MAGI1: variants seen among roughly 807,000 people sequenced by gnomAD.
MAGI1 encodes the protein membrane associated guanylate kinase, WW and PDZ domain containing 1.
A neutral mutation model predicts 139.9 loss-of-function variants in MAGI1; 58 were observed. The ratio of observed to expected loss-of-function variants is 0.41; its 90% CI spans 0.34 to 0.52. The LOEUF (loss-of-function observed/expected upper bound fraction) is 0.52, where lower values mean the gene tolerates loss of function less well. Ranked by LOEUF, MAGI1 falls within the 20% of genes least tolerant of loss-of-function variation. MAGI1 has a pLI of 0.12. For synonymous variants in MAGI1, 812 were observed against 737.9 expected, an observed-to-expected ratio of 1.10 and a Z score of -1.63; for missense variants, 1,874 against 1,901.6, an observed-to-expected ratio of 0.99 and a Z score of 0.27.
At chr3:66,036,347 C>G (rs940876216) in intron 1 of MAGI1, among the ~76,000 whole-genome samples, 1 of 152,150 alleles carries the variant, frequency 6.6e-6, no homozygotes, top group Non-Finnish European at 1.5e-5. Flanking sequence ...AGGTTTTGAA[C>G]CTCAAGCAAA....
intron 1 of MAGI1, among the ~76,000 whole-genome samples, chr3:65,974,407 G>A (rs9311959): frequency 0.015 from 991 of 67,948 alleles, 15 homozygotes; most frequent in South Asian, 0.025. Context: ...GGGTGGATGG[G>A]TGGATGGATG....
intron 6 of MAGI1, among the ~76,000 whole-genome samples, chr3:65,449,152 A>C (rs1948860711): frequency 6.6e-6 from 1 of 151,530 alleles, no homozygotes; most frequent in African/African-American, 2.4e-5. Context: ...GAGGGATAGC[A>C]TTAGGAGAAA....
intron 1 of MAGI1, among the ~76,000 whole-genome samples, chr3:65,920,515 C>T (rs2062125081): frequency 6.6e-6 from 1 of 152,122 alleles, no homozygotes; most frequent in Non-Finnish European, 1.5e-5. Flanking sequence ...GATTCAATCA[C>T]CTCAAGGCAT....
At chr3:65,523,545 T>C (rs926532447) in intron 2 of MAGI1, among the ~76,000 whole-genome samples, 2 of 152,156 alleles carry the variant, frequency 1.3e-5, no homozygotes, top group Non-Finnish European at 2.9e-5. Context: ...AGTGACCAGG[T>C]GACTGGAGGC....
intron 7 of MAGI1, among the ~76,000 whole-genome samples, chr3:65,447,753 C>G (rs1948764164): frequency 6.6e-6 from 1 of 152,232 alleles, no homozygotes; most frequent in African/African-American, 2.4e-5. Flanking sequence ...CTTTACAAGA[C>G]TACCCATTAC....
intron 1 of MAGI1, among the ~76,000 whole-genome samples, chr3:65,705,536 C>T (rs1378315503): frequency 6.6e-6 from 1 of 152,226 alleles, no homozygotes; most frequent in East Asian, 1.9e-4. Flanking sequence ...TCAGTCTAAA[C>T]AACCTCTGAT....
intron 1 of MAGI1, among the ~76,000 whole-genome samples, chr3:65,696,092 C>A (rs928322804): frequency 6.6e-6 from 1 of 152,224 alleles, no homozygotes; most frequent in African/African-American, 2.4e-5. Context: ...TCCAGCTTCA[C>A]TGGCGTCTTT....
rs1053515824 is a variant in MAGI1, at chr3:66,038,185, G to A, written c.124C>T (p.Pro42Ser). ...ACCGCCGCCACCGCTCCGACGTACG[G>A]AAACTCCCCGTGCTCCGCGCCTCCC... The part of the protein sequence containing the change: ...VLGGAEHGEF[P>S]YVGAVAAVEA... The change falls in exon 1 of 23, where the codon CCG becomes TCG. Residue 42 changes from proline (P) to serine (S), a missense_variant. Transcript: ENST00000402939. 6.2e-7 allele frequency: 1 copy of A among 1,612,212 alleles called. No homozygotes were observed. Among genetic ancestry groups the A allele is most frequent in the South Asian group, 1.1e-5 (1 of 91,030 alleles).
chr3:65,847,341 C>G (rs1177280098), intron 1 of MAGI1, among the ~76,000 whole-genome samples: 1 of 152,064 alleles, frequency 6.6e-6, no homozygotes, highest in African/African-American at 2.4e-5. Flanking sequence ...AATACCCTAG[C>G]TAGGTTTCTA....
At chr3:65,855,537 G>A (rs74490631) in intron 1 of MAGI1, among the ~76,000 whole-genome samples, 13,187 of 135,542 alleles carry the variant, frequency 0.097, 881 homozygotes, top group Non-Finnish European at 0.14. Context: ...CAGAGTTATA[G>A]GCTGCAGTGA....
At chr3:66,018,933 C>T (rs76779663) in intron 1 of MAGI1, among the ~76,000 whole-genome samples, 2 of 151,808 alleles carry the variant, frequency 1.3e-5, no homozygotes, top group East Asian at 3.9e-4. Flanking sequence ...GGTAAATTCT[C>T]GTATCTTCCC....
At chr3:65,434,536 C>A (rs1038012470) in intron 10 of MAGI1, among the ~76,000 whole-genome samples, 1 of 152,090 alleles carries the variant, frequency 6.6e-6, no homozygotes, top group Non-Finnish European at 1.5e-5. Context: ...AAAATTACTA[C>A]CAAACAATCT....
rs1951719635 is a variant in MAGI1 at position 65,487,774 on chromosome 3, T to C, written c.550+5738A>G. 2.0e-5 allele frequency among the ~76,000 whole-genome samples: 3 copies of C among 152,230 alleles called. No homozygotes were observed. The South Asian group carries it at 6.2e-4, about 32-fold the overall frequency. ...TTGGGAAGATTCAACACGATGATTCTTTTTTAAAGGAGCTTAACTCTTAAG... is the reference window on the plus strand; with the variant it reads ...TTGGGAAGATTCAACACGATGATTCCTTTTTAAAGGAGCTTAACTCTTAAG... On this transcript the variant is annotated intron_variant, in intron 3 of 22. Coordinates refer to ENST00000402939, the MANE Select transcript of MAGI1 (RefSeq NM_001033057.2).
In MAGI1 at chr3:66,038,469, G is replaced by T; in HGVS notation, c.-161C>A. The T allele has an allele frequency of 6.0e-6, 6 of 1,006,708 alleles. No homozygotes were observed. The highest frequency in any genetic ancestry group is 8.2e-6 in the Non-Finnish European group (6 of 727,746). The allele number at this position is 1,006,708 out of a possible 1,614,324, so 62.4% of individuals were successfully genotyped here. On this transcript the variant is annotated 5_prime_UTR_variant, in exon 1 of 23. Coordinates refer to ENST00000402939, the MANE Select transcript of MAGI1 (RefSeq NM_001033057.2). ...GCCTCGCTCCCCTGCACACGCTCGC[G>T]CACTCAAGCCATCATAAAACAAACT...
At chr3:65,606,897 A>G (rs1430368767) in intron 2 of MAGI1, among the ~76,000 whole-genome samples, 1 of 151,998 alleles carries the variant, frequency 6.6e-6, no homozygotes, top group Non-Finnish European at 1.5e-5. Flanking sequence ...AGCTCAATCA[A>G]TCCACCCACC....
chr3:65,603,351 GCA>G (rs1273508493), intron 2 of MAGI1, among the ~76,000 whole-genome samples: 7 of 152,056 alleles, frequency 4.6e-5, no homozygotes, highest in Non-Finnish European at 1.5e-5. Flanking sequence ...AATATATATA[GCA>G]CAGTGTTGAG....
chr3:65,906,251 A>G (rs1029443140), intron 1 of MAGI1, among the ~76,000 whole-genome samples: 4 of 152,200 alleles, frequency 2.6e-5, no homozygotes, highest in South Asian at 2.1e-4. Context: ...GGAGACATCA[A>G]TGTGGGTTGG....
At chr3:65,818,074 C>G (rs1019852073) in intron 1 of MAGI1, among the ~76,000 whole-genome samples, 17 of 120,776 alleles carry the variant, frequency 1.4e-4, no homozygotes, top group South Asian at 5.6e-4. Context: ...GTGTGTCTCT[C>G]TCTTTGACTT....
intron 13 of MAGI1, among the ~76,000 whole-genome samples, chr3:65,393,526 T>G (rs1944107980): frequency 6.6e-6 from 1 of 152,252 alleles, no homozygotes; most frequent in Admixed American, 6.5e-5. Context: ...TAACGGGAAC[T>G]GCTACTTCCT....
Sources: gnomAD v4.1 joint callset for allele counts (sites outside exome capture counted in the v4.1 genomes callset) on GRCh38, gnomAD v4.1.1 for gene constraint, MANE v1.5 for transcripts, NCBI Gene and HGNC (gene_info 2026-07-23, HGNC 2026-07-21) for gene names.